Variants in CHD9 observed in about 807,000 individuals in gnomAD.
The protein encoded by CHD9 is ATP-dependent chromatin remodeler CHD9.
Under a neutral mutation model 316.1 loss-of-function variants are expected in CHD9, and 77 were observed. The observed-to-expected ratio is 0.24, with a 90% CI of 0.20 to 0.29. CHD9 has a LOEUF of 0.29. Ranked by LOEUF, CHD9 falls within the 10% of genes least tolerant of loss-of-function variation. The pLI is 1.00. For missense variants in CHD9, 2,763 were observed against 3,438.1 expected, an observed-to-expected ratio of 0.80 and a Z score of 4.91; for synonymous variants, 1,129 against 1,158.3, an observed-to-expected ratio of 0.97 and a Z score of 0.51.
chr16:53,315,364 A>G (rs1274081823), intron 36 of CHD9, among the ~76,000 whole-genome samples: 1 of 152,246 alleles, frequency 6.6e-6, no homozygotes, highest in Non-Finnish European at 1.5e-5. Context: ...AATAATGATT[A>G]TAGTAAACAT....
At chr16:53,319,162 A>T (rs913814130) in intron 37 of CHD9, among the ~76,000 whole-genome samples, 10 of 152,218 alleles carry the variant, frequency 6.6e-5, no homozygotes, top group Non-Finnish European at 1.3e-4. Flanking sequence ...TATAGCTTTG[A>T]CACACTTTTT....
chr16:53,124,203 C>T (rs1273858967), intron 1 of CHD9, among the ~76,000 whole-genome samples: 1 of 152,102 alleles, frequency 6.6e-6, no homozygotes, highest in Non-Finnish European at 1.5e-5. Context: ...TACCAGGGTT[C>T]GAGGGTTCTA....
intron 33 of CHD9, 116 bp downstream of exon 33, chr16:53,308,069 A>C (rs2056145450): frequency 1.1e-6 from 1 of 871,588 alleles, no homozygotes; most frequent in South Asian, 1.8e-5. Context: ...GTTTCTTGGT[A>C]TTTGGATTAT....
At chr16:53,181,863 T>C (rs1289958436) in intron 2 of CHD9, among the ~76,000 whole-genome samples, 1 of 152,174 alleles carries the variant, frequency 6.6e-6, no homozygotes, top group Non-Finnish European at 1.5e-5. Context: ...GCGAATCACC[T>C]AGGGTCAAGA....
chr16:53,280,572 G>A (rs898766923), intron 24 of CHD9, among the ~76,000 whole-genome samples: 3 of 151,948 alleles, frequency 2.0e-5, no homozygotes, highest in African/African-American at 7.2e-5. Flanking sequence ...TGGGTGCGGT[G>A]TATACTGCTC....
chr16:53,205,351 T>C (rs1398233819), intron 2 of CHD9, among the ~76,000 whole-genome samples: 1 of 152,148 alleles, frequency 6.6e-6, no homozygotes, highest in African/African-American at 2.4e-5. Context: ...ATCAGAACAT[T>C]TCCTACATAA....
chr16:53,270,556 G>A (rs2052151582), intron 22 of CHD9, among the ~76,000 whole-genome samples: 2 of 152,052 alleles, frequency 1.3e-5, no homozygotes, highest in Admixed American at 1.3e-4. Context: ...TCAAAATAAT[G>A]TGAAAGATTG....
At chr16:53,106,310 A>C (rs1339780784) in intron 1 of CHD9, among the ~76,000 whole-genome samples, 1 of 152,208 alleles carries the variant, frequency 6.6e-6, no homozygotes, top group Non-Finnish European at 1.5e-5. Flanking sequence ...GCCAAGTTAG[A>C]ACACTTGAAC....
At chr16:53,213,156 G>T (rs1319740436) in intron 3 of CHD9, among the ~76,000 whole-genome samples, 1 of 152,140 alleles carries the variant, frequency 6.6e-6, no homozygotes, top group Non-Finnish European at 1.5e-5. Flanking sequence ...TGGCTATTTT[G>T]ACATGACCAT....
chr16:53,217,706 G>A (rs941136651), intron 3 of CHD9, among the ~76,000 whole-genome samples: 1 of 151,922 alleles, frequency 6.6e-6, no homozygotes, highest in Non-Finnish European at 1.5e-5. Flanking sequence ...AGTTTTCAAG[G>A]TTCATTGTAA....
intron 2 of CHD9, chr16:53,208,263 A>G: frequency 8.1e-7 from 1 of 1,230,010 alleles, no homozygotes. Flanking sequence ...TTTTTTCTTG[A>G]GCACTGCCTG....
chr16:53,252,729 TGGGCTAA>T (rs1408135167), intron 17 of CHD9, among the ~76,000 whole-genome samples: 1 of 144,892 alleles, frequency 6.9e-6, no homozygotes, highest in Non-Finnish European at 1.5e-5. Context: ...CATCAAAAAG[TGGGCTAA>T]GGACATGAAT....
intron 2 of CHD9, among the ~76,000 whole-genome samples, chr16:53,168,068 A>AT (rs1424422542): frequency 6.6e-6 from 1 of 151,818 alleles, no homozygotes; most frequent in Non-Finnish European, 1.5e-5. Flanking sequence ...TTATTTATTT[A>AT]TTTATTTTTT....
chr16:53,170,987 A>G (rs1017172552), intron 2 of CHD9, among the ~76,000 whole-genome samples: 2 of 152,192 alleles, frequency 1.3e-5, no homozygotes, highest in Non-Finnish European at 2.9e-5. Context: ...ATGAACCTCT[A>G]AAATAATGTG....
intron 12 of CHD9, among the ~76,000 whole-genome samples, chr16:53,242,189 CAG>C (rs1483673392): frequency 6.6e-6 from 1 of 152,176 alleles, no homozygotes; most frequent in Non-Finnish European, 1.5e-5. Context: ...ACAAAAACTG[CAG>C]TTGTCACCTC....
intron 12 of CHD9, among the ~76,000 whole-genome samples, chr16:53,242,071 A>G (rs1028256864): frequency 1.3e-5 from 2 of 152,116 alleles, no homozygotes; most frequent in African/African-American, 4.8e-5. Context: ...TACTTTTACC[A>G]AGAATGCTTT....
chr16:53,117,248 A>T (rs1231494945), intron 1 of CHD9, among the ~76,000 whole-genome samples: 1 of 152,074 alleles, frequency 6.6e-6, no homozygotes, highest in Non-Finnish European at 1.5e-5. Context: ...AAAAAAATTA[A>T]AAAAAAATTT....
In CHD9 at chr16:53,321,600, T is replaced by C; in HGVS notation, c.7788T>C (p.Ala2596=). Residue 2596 remains alanine, a synonymous_variant, in exon 38 of 39, where the codon GCT becomes GCC. Transcript: ENST00000447540. ...FLKENSEYGV[A]PEWGDVVKQS... ...AAGAAAATTCAGAATATGGAGTAGC[T>C]CCTGAATGGGGAGATGTTGTTAAGC... is the stretch of plus-strand genomic sequence containing the variant. 6.5e-7 allele frequency: 1 copy of C among 1,537,560 alleles called. No individual in the cohort carries two copies. Among genetic ancestry groups the C allele is most frequent in the Admixed American group, 1.9e-5 (1 of 52,934 alleles).
intron 2 of CHD9, among the ~76,000 whole-genome samples, chr16:53,206,960 A>G (rs1380045998): frequency 6.6e-6 from 1 of 152,210 alleles, no homozygotes; most frequent in Non-Finnish European, 1.5e-5. Context: ...CATTGATGAC[A>G]TCTCAAGTCA....
Sources: gnomAD v4.1 joint callset for allele counts (sites outside exome capture counted in the v4.1 genomes callset) on GRCh38, gnomAD v4.1.1 for gene constraint, MANE v1.5 for transcripts, NCBI Gene and HGNC (gene_info 2026-07-23, HGNC 2026-07-21) for gene names.